Variants in POLR3B observed in about 807,000 individuals in gnomAD.
POLR3B encodes DNA-directed RNA polymerase III subunit RPC2.
In POLR3B, 96 loss-of-function variants were observed where a neutral mutation model predicts 147.4. The ratio of observed to expected loss-of-function variants is 0.65; its 90% CI spans 0.55 to 0.77. The LOEUF is 0.77. Ranked by LOEUF, POLR3B falls within the 30% of genes least tolerant of loss-of-function variation. The pLI is 0.00. For missense variants in POLR3B, 1,036 were observed against 1,413.5 expected (o/e 0.73, Z 4.28); for synonymous variants, 461 against 485.9 (o/e 0.95, Z 0.67).
chr12:106,384,006 A>G (rs939308478), intron 9 of POLR3B, among the ~76,000 whole-genome samples: 2 of 151,996 alleles, frequency 1.3e-5, no homozygotes, highest in African/African-American at 2.4e-5. Flanking sequence ...GAAAAAAAAA[A>G]AGATCATTGA....
In POLR3B at chr12:106,459,215, A is replaced by G. The variant is rs993802520; in HGVS notation, c.2453-36A>G. 8.0e-6 allele frequency: 9 copies of G among 1,131,804 alleles called. No homozygotes were observed. The Admixed American group carries it at 1.5e-4, about 19-fold the overall frequency. The allele number at this position is 1,131,804 out of a possible 1,614,324, so 70.1% of individuals were successfully genotyped here. A position where few individuals can be genotyped will look rare whatever the true frequency, so the allele number is the denominator to read the frequency against. On this transcript the variant is annotated intron_variant, in intron 21 of 27. Coordinates refer to ENST00000228347, the MANE Select transcript of POLR3B (RefSeq NM_018082.6). ...GTAATCTTTGTATTCCACACAGATG[A>G]TAACGATGTGCCTAACACTTTTCTT...
At position 106,454,491 on chromosome 12, in the gene POLR3B, T is replaced by A. The variant is rs1465843339; in HGVS notation, c.2084-11T>A. 6 of 1,362,284 alleles carry A rather than the reference T, an allele frequency of 4.4e-6. No individual in the cohort carries two copies. The highest frequency in any genetic ancestry group is 6.3e-6 in the Non-Finnish European group (6 of 950,554). 84.4% of individuals were successfully genotyped at this position (1,362,284 alleles called of 1,614,324 possible). On this transcript the variant is annotated splice_polypyrimidine_tract_variant and intron_variant, in intron 19 of 27. Coordinates refer to ENST00000228347, the MANE Select transcript of POLR3B (RefSeq NM_018082.6). ...GAATGTTGTATTTTGTTTTCTCCCA[T>A]ATCAATGCAGGTACTATAGGATACA... is the stretch of plus-strand genomic sequence containing the variant.
intron 12 of POLR3B, among the ~76,000 whole-genome samples, chr12:106,413,516 G>A (rs1342479206): frequency 1.3e-5 from 2 of 152,090 alleles, no homozygotes; most frequent in African/African-American, 4.8e-5. Flanking sequence ...GATGTATACC[G>A]TACCTTGAAT....
At chr12:106,369,122 CAAG>C (rs1361585982) in intron 4 of POLR3B, among the ~76,000 whole-genome samples, 150 bp from the exon 5 acceptor site, 1 of 152,166 alleles carries the variant, frequency 6.6e-6, no homozygotes, top group Non-Finnish European at 1.5e-5. Context: ...ACTATCACTT[CAAG>C]AAGATCTCCA....
Position 106,378,282 on chromosome 12 carries a change from T to C in POLR3B, c.512T>C (p.Val171Ala). The change falls in exon 8 of 28, where the codon GTT (valine) becomes GCT (alanine). Residue 171 changes from valine (V) to alanine (A), a missense_variant. Val to Ala is a moderately conservative substitution (Grantham distance 64). Coordinates refer to ENST00000228347, the MANE Select transcript of POLR3B (RefSeq NM_018082.6). Reference protein sequence around the residue: ...CPLDPGGYFIVKGVEKVILIQ... With the variant: ...CPLDPGGYFIAKGVEKVILIQ... ...CTTTGGGTAGGTGGCTACTTCATTGTTAAAGGAGTAGAAAAAGTTATTCTT... is the reference window on the plus strand; with the variant it reads ...CTTTGGGTAGGTGGCTACTTCATTGCTAAAGGAGTAGAAAAAGTTATTCTT... The C allele has an allele frequency of 6.2e-7, 1 of 1,607,952 alleles. No individual in the cohort carries two copies. Among genetic ancestry groups the C allele is most frequent in the Non-Finnish European group, 8.5e-7 (1 of 1,174,460 alleles).
At chr12:106,488,390 A>G (rs944603196) in intron 23 of POLR3B, among the ~76,000 whole-genome samples, 3 of 152,236 alleles carry the variant, frequency 2.0e-5, no homozygotes, top group Non-Finnish European at 2.9e-5. Flanking sequence ...CCTTCTATAC[A>G]TCAAAGTTGT....
intron 2 of POLR3B, among the ~76,000 whole-genome samples, chr12:106,365,252 G>A (rs1262321933): frequency 1.3e-5 from 2 of 152,100 alleles, no homozygotes; most frequent in Non-Finnish European, 2.9e-5. Flanking sequence ...GAGTTGTCAG[G>A]GCCAGTTTCC....
intron 26 of POLR3B, among the ~76,000 whole-genome samples, chr12:106,502,865 C>T (rs1215752696): frequency 2.6e-5 from 4 of 152,186 alleles, no homozygotes; most frequent in African/African-American, 9.7e-5. Flanking sequence ...AAAACTATTT[C>T]AGAGTAACAT....
intron 23 of POLR3B, among the ~76,000 whole-genome samples, chr12:106,471,907 A>T (rs765439869): frequency 6.6e-6 from 1 of 150,616 alleles, no homozygotes; most frequent in Non-Finnish European, 1.5e-5. Flanking sequence ...ACATGTGCAC[A>T]TTGTGCAGGT....
At chr12:106,404,728 A>G (rs1460056521) in intron 10 of POLR3B, among the ~76,000 whole-genome samples, 1 of 151,890 alleles carries the variant, frequency 6.6e-6, no homozygotes, top group Non-Finnish European at 1.5e-5. Flanking sequence ...AATTCTTTTA[A>G]TTTTGAAAAA....
intron 8 of POLR3B, 115 bp downstream of exon 8, chr12:106,378,499 A>G (rs1263717851): frequency 3.0e-6 from 2 of 672,808 alleles, no homozygotes; most frequent in Non-Finnish European, 5.3e-6. Context: ...AGGCATTGTA[A>G]TATTTAAGCT....
chr12:106,427,326 A>G lies in POLR3B; in HGVS notation c.1231A>G (p.Ile411Val). ...DVVKHMRQDQ[I>V]TNGMVNAIST... The stretch of plus-strand genomic sequence containing the variant: ...TGTCAAACACATGCGCCAAGACCAG[A>G]TCACCAATGGCATGGTGAATGCTAT... Residue 411 changes from isoleucine (I) to valine (V), a missense_variant, in exon 13 of 28, where the codon ATC becomes GTC. Around this residue, in one of 12 missense-constraint regions of POLR3B, gnomAD observed 89 missense variants for 110.9 expected, o/e 0.80. Transcript: ENST00000228347. The G allele has an allele frequency of 1.2e-6, 2 of 1,613,816 alleles. No individual in the cohort carries two copies. Among genetic ancestry groups the G allele is most frequent in the Non-Finnish European group, 1.7e-6 (2 of 1,179,830 alleles).
intron 2 of POLR3B, among the ~76,000 whole-genome samples, chr12:106,364,752 C>CA (rs1311619113): frequency 6.6e-6 from 1 of 152,192 alleles, no homozygotes; most frequent in Non-Finnish European, 1.5e-5. Context: ...ATCTGTGCAA[C>CA]AGAGTATTAT....
At chr12:106,502,610 G>A (rs933250115) in intron 26 of POLR3B, among the ~76,000 whole-genome samples, 1 of 152,030 alleles carries the variant, frequency 6.6e-6, no homozygotes, top group Admixed American at 6.6e-5. Flanking sequence ...TCATGCTTGG[G>A]GTTTCATTTT....
intron 12 of POLR3B, among the ~76,000 whole-genome samples, chr12:106,420,220 A>G (rs7303873): frequency 0.33 from 49,762 of 151,986 alleles, 11,114 homozygotes; most frequent in African/African-American, 0.64. Context: ...GCACGGGGGT[A>G]GGGATGGACA....
At chr12:106,472,256 C>A (rs1359731123) in intron 23 of POLR3B, among the ~76,000 whole-genome samples, 32 of 150,374 alleles carry the variant, frequency 2.1e-4, no homozygotes, top group South Asian at 1.9e-3. Flanking sequence ...TTAATCCAGT[C>A]TATCATTGTT....
chr12:106,419,682 A>G (rs2037348682), intron 12 of POLR3B, among the ~76,000 whole-genome samples: 1 of 152,120 alleles, frequency 6.6e-6, no homozygotes, highest in Non-Finnish European at 1.5e-5. Context: ...GTACAAAGGG[A>G]AAAAACTAAT....
At chr12:106,367,187 A>G (rs2245062) in intron 4 of POLR3B, among the ~76,000 whole-genome samples, 33,542 of 152,224 alleles carry the variant, frequency 0.22, 5,224 homozygotes, top group East Asian at 0.71. Context: ...GCAAATTATA[A>G]TGAGCTATGG....
At chr12:106,424,309 C>G (rs2037409343) in intron 12 of POLR3B, among the ~76,000 whole-genome samples, 1 of 152,084 alleles carries the variant, frequency 6.6e-6, no homozygotes, top group South Asian at 2.1e-4. Flanking sequence ...ATATCCTATC[C>G]TGTATGTCTG....
Sources: gnomAD v4.1 joint callset for allele counts (sites outside exome capture counted in the v4.1 genomes callset) on GRCh38, gnomAD v4.1.1 for gene constraint, gnomAD v4.1.1 regional missense constraint, MANE v1.5 for transcripts, NCBI Gene and HGNC (gene_info 2026-07-23, HGNC 2026-07-21) for gene names.